NAV2: variants seen among roughly 807,000 people sequenced by gnomAD.
NAV2 encodes the protein neuron navigator 2.
Under a neutral mutation model 223.2 loss-of-function variants are expected in NAV2, and 54 were observed. The observed-to-expected ratio is 0.24, with a 90% CI of 0.19 to 0.30. NAV2 has a LOEUF of 0.30. Among genes scored for constraint, NAV2 ranks in the 10% least tolerant of loss-of-function variants. The probability of loss-of-function intolerance (pLI) is 1.00; values close to 1 mark genes in which losing one functional copy is unlikely to be tolerated. For missense variants in NAV2, 2,806 were observed against 3,147.5 expected, an observed-to-expected ratio of 0.89 and a Z score of 2.60; for synonymous variants, 1,279 against 1,239.3, an observed-to-expected ratio of 1.03 and a Z score of -0.67.
intron 25 of NAV2, chr11:20,082,613 A>C (rs754284600): frequency 2.7e-5 from 43 of 1,613,120 alleles, no homozygotes; most frequent in Non-Finnish European, 3.5e-5. Flanking sequence ...AAGCAAGACC[A>C]ACTTTAATAT....
At chr11:19,376,517 C>T (rs1375968593) in intron 1 of NAV2, among the ~76,000 whole-genome samples, 1 of 152,320 alleles carries the variant, frequency 6.6e-6, no homozygotes, top group South Asian at 2.1e-4. Flanking sequence ...TGGACTCGAA[C>T]CCAACTTCTC....
intron 3 of NAV2, among the ~76,000 whole-genome samples, chr11:19,847,070 A>G (rs947187365): frequency 6.6e-6 from 1 of 152,296 alleles, no homozygotes; most frequent in Non-Finnish European, 1.5e-5. Flanking sequence ...TGCCATGGCA[A>G]CCAAGGGGCA....
At chr11:19,487,862 GTACA>G (rs2042497653) in intron 1 of NAV2, among the ~76,000 whole-genome samples, 1 of 4,078 alleles carries the variant, frequency 2.5e-4, no homozygotes, top group African/African-American at 2.8e-4. Context: ...AGACCCCAAA[GTACA>G]AAGTAGAGGA....
chr11:19,864,469 G>A (rs1442033924), intron 3 of NAV2, among the ~76,000 whole-genome samples: 5 of 152,182 alleles, frequency 3.3e-5, no homozygotes, highest in African/African-American at 4.8e-5. Flanking sequence ...ACGTTATCAG[G>A]AGACCCAAGT....
At chr11:19,954,854 T>TAC (rs754317031) in intron 10 of NAV2, among the ~76,000 whole-genome samples, 5,256 of 16,662 alleles carry the variant, frequency 0.32, 110 homozygotes, top group Middle Eastern at 0.5. Flanking sequence ...TATGTGAGTA[T>TAC]ATGTGTGTGT....
At chr11:19,487,610 C>G (rs1263223742) in intron 1 of NAV2, among the ~76,000 whole-genome samples, 1 of 152,154 alleles carries the variant, frequency 6.6e-6, no homozygotes. Flanking sequence ...TTACATAGGT[C>G]CATGTGGCAA....
chr11:19,852,441 C>T (rs772157314), intron 3 of NAV2, among the ~76,000 whole-genome samples: 5 of 152,140 alleles, frequency 3.3e-5, no homozygotes, highest in Non-Finnish European at 5.9e-5. Flanking sequence ...CAGAGACCCA[C>T]AGTTTTTTAT....
At chr11:19,436,770 A>G (rs1304752617) in intron 1 of NAV2, among the ~76,000 whole-genome samples, 1 of 143,868 alleles carries the variant, frequency 7.0e-6, no homozygotes, top group Admixed American at 6.9e-5. Flanking sequence ...TCAATTTTTT[A>G]TCAATATTTT....
intron 1 of NAV2, among the ~76,000 whole-genome samples, chr11:19,643,471 G>A (rs531396324): frequency 9.2e-5 from 14 of 151,974 alleles, no homozygotes; most frequent in African/African-American, 1.9e-4. Context: ...AGCTTCATCC[G>A]TGTCCCCACA....
At chr11:19,785,647 CT>C (rs3214722) in intron 1 of NAV2, among the ~76,000 whole-genome samples, 170 of 141,352 alleles carry the variant, frequency 1.2e-3, no homozygotes, top group Admixed American at 1.1e-3. Context: ...CGTCAGCTGG[CT>C]TTTTTTTTTT....
At chr11:19,682,995 A>G (rs112931483) in intron 1 of NAV2, among the ~76,000 whole-genome samples, 3,068 of 152,298 alleles carry the variant, frequency 0.02, 100 homozygotes, top group African/African-American at 0.061. Flanking sequence ...GGAGGACTAG[A>G]TTCAAACCTT....
At chr11:19,402,085 A>T (rs1165914184) in intron 1 of NAV2, 1 of 152,146 alleles carries the variant, frequency 6.6e-6, no homozygotes, top group African/African-American at 2.4e-5. Flanking sequence ...TTAACTCAAG[A>T]ATGCTGAAGT....
At position 19,582,914 on chromosome 11, in the gene NAV2, A is replaced by G. The variant is rs535037255; in HGVS notation, c.75+231887A>G. 2.0e-5 allele frequency among the ~76,000 whole-genome samples: 3 copies of G among 152,340 alleles called. No individual in the cohort carries two copies. In the South Asian group the frequency reaches 6.2e-4, roughly 32 times the overall value. On this transcript the variant is annotated intron_variant, in intron 1 of 37. Transcript: ENST00000360655. ...AGTAGTTTTTTCCAATTCTGTGAAG[A>G]AAGTCATTGATAGCTTGATGGAGAT...
At chr11:19,350,400 T>C (rs1326524103), upstream of NAV2, among the ~76,000 whole-genome samples, 3 of 152,310 alleles carry the variant, frequency 2.0e-5, no homozygotes, top group Non-Finnish European at 2.9e-5. Flanking sequence ...TGAAGGAAGA[T>C]GACAGCCCAG....
At chr11:19,913,810 G>A (rs935201020) in intron 6 of NAV2, among the ~76,000 whole-genome samples, 3 of 152,164 alleles carry the variant, frequency 2.0e-5, no homozygotes, top group African/African-American at 7.2e-5. Context: ...CTGATGGATG[G>A]TGACTAGCTC....
intron 1 of NAV2, among the ~76,000 whole-genome samples, chr11:19,587,172 C>T (rs538540383): frequency 4.6e-5 from 7 of 152,304 alleles, no homozygotes; most frequent in African/African-American, 9.6e-5. Flanking sequence ...TAGGACCCTC[C>T]GAGCCAGGTG....
At chr11:20,087,386 G>T (rs944604874) in intron 26 of NAV2, among the ~76,000 whole-genome samples, 2 of 152,170 alleles carry the variant, frequency 1.3e-5, no homozygotes, top group African/African-American at 4.8e-5. Context: ...CAAAGGGTAG[G>T]CTGAGAGCAA....
intron 1 of NAV2, among the ~76,000 whole-genome samples, chr11:19,475,432 T>TA (rs1314688986): frequency 2.6e-5 from 4 of 152,124 alleles, no homozygotes; most frequent in Non-Finnish European, 5.9e-5. Flanking sequence ...ATAGAGAGTT[T>TA]AAAAAAATGG....
intron 6 of NAV2, among the ~76,000 whole-genome samples, chr11:19,893,711 A>G (rs2041705277): frequency 6.6e-6 from 1 of 152,206 alleles, no homozygotes; most frequent in South Asian, 2.1e-4. Flanking sequence ...AACTCTGCAA[A>G]TGGCACTAAC....
Sources: allele counts gnomAD v4.1 joint callset (sites outside exome capture counted in the v4.1 genomes callset), GRCh38; gene constraint gnomAD v4.1.1; transcripts MANE v1.5; gene names NCBI Gene and HGNC (gene_info 2026-07-23, HGNC 2026-07-21).